DOCK1: variants seen among roughly 807,000 people sequenced by gnomAD.
DOCK1 encodes dedicator of cytokinesis 1, also known as dedicator of cytokinesis protein 1.
DOCK1 carries 138 observed loss-of-function variants against 262.7 expected under a neutral mutation model. The observed-to-expected ratio is 0.53, with a 90% CI of 0.46 to 0.61. The LOEUF is 0.61. DOCK1 is among the 20% of genes least tolerant of loss of function. The pLI is 0.00. For missense variants in DOCK1, 1,908 were observed against 2,370.7 expected, an observed-to-expected ratio of 0.80 and a Z score of 4.05; for synonymous variants, 866 against 867.4, an observed-to-expected ratio of 1.00 and a Z score of 0.03.
chr10:126,999,503 T>C, intron 9 of DOCK1, 68 bp downstream of exon 9: 1 of 1,363,244 alleles, frequency 7.3e-7, no homozygotes, highest in East Asian at 2.3e-5. Flanking sequence ...GCCATTTCTG[T>C]CTGCCTTCCT....
At position 127,175,507 on chromosome 10, in the gene DOCK1, G is replaced by T; in HGVS notation, c.2847+47743G>T. ...AGGGCAGTTTCCGAGGGCGCCTGGA[G>T]CCCGTTGAGATGTGTGGCTCTCCTC... On this transcript the variant is annotated intron_variant, in intron 27 of 51. Transcript: ENST00000623213. This position sits in a 1 kb window ranked among gnomAD's most constrained non-coding sequence, Gnocchi z 6.3. 6.2e-7 allele frequency: 1 copy of T among 1,608,942 alleles called. No individual in the cohort carries two copies.
chr10:127,175,251 A>T lies in DOCK1; in HGVS notation c.2847+47487A>T. ...CTCTCCTTTTTCCAACTCCTGAATG[A>T]CCCCCAAGAGCACTTTGATGGTTTC... On this transcript the variant is annotated intron_variant, in intron 27 of 51. Coordinates refer to ENST00000623213, the MANE Select transcript of DOCK1 (RefSeq NM_001290223.2). The surrounding 1 kb of genome is among the most constrained non-coding windows in gnomAD (Gnocchi z 6.3). The T allele has an allele frequency of 6.2e-7, 1 of 1,613,800 alleles. No individual in the cohort carries two copies. The highest frequency in any genetic ancestry group is 8.5e-7 in the Non-Finnish European group (1 of 1,179,958).
At chr10:126,959,087 G>T (rs2036983292) in intron 1 of DOCK1, among the ~76,000 whole-genome samples, 1 of 152,178 alleles carries the variant, frequency 6.6e-6, no homozygotes, top group African/African-American at 2.4e-5. Context: ...GTTGACAATT[G>T]GTTGAGTTTG....
chr10:127,274,470 A>C (rs1283477780), intron 29 of DOCK1, among the ~76,000 whole-genome samples: 1 of 152,170 alleles, frequency 6.6e-6, no homozygotes, highest in Non-Finnish European at 1.5e-5. Context: ...ATTTGTGTGC[A>C]AACTGGAGGG....
intron 5 of DOCK1, 132 bp from the exon 6 acceptor site, chr10:126,990,323 A>G: frequency 1.1e-6 from 1 of 927,638 alleles, no homozygotes; most frequent in East Asian, 2.8e-5. Context: ...AGCACCTTTT[A>G]ATTCAACATT....
intron 19 of DOCK1, among the ~76,000 whole-genome samples, chr10:127,041,212 C>G (rs1276404889): frequency 6.6e-6 from 1 of 152,176 alleles, no homozygotes; most frequent in East Asian, 1.9e-4. Flanking sequence ...ATTCTCCTGC[C>G]TCAGCCTCCC....
At chr10:127,253,874 C>CAA (rs575042004) in intron 28 of DOCK1, among the ~76,000 whole-genome samples, 3,010 of 101,232 alleles carry the variant, frequency 0.03, 143 homozygotes, top group East Asian at 0.15. Flanking sequence ...GACCCTGTCT[C>CAA]AAAAAAAAAA....
chr10:126,934,637 T>A (rs74219131), intron 1 of DOCK1, among the ~76,000 whole-genome samples: 2 of 152,194 alleles, frequency 1.3e-5, no homozygotes, highest in African/African-American at 2.4e-5. Context: ...TTTGTTTTTT[T>A]CCTGTTGAAA....
chr10:127,228,841 T>A (rs532467296), intron 27 of DOCK1, among the ~76,000 whole-genome samples: 1 of 152,280 alleles, frequency 6.6e-6, no homozygotes, highest in Admixed American at 6.5e-5. Flanking sequence ...CGACATGATG[T>A]TTTGATGTAT....
At chr10:127,444,362 TCCTC>T in intron 50 of DOCK1, 83 bp downstream of exon 50, 2 of 1,450,176 alleles carry the variant, frequency 1.4e-6, no homozygotes, top group South Asian at 2.9e-5. Context: ...TAGAAGCGCT[TCCTC>T]CCTCCCCTTG....
chr10:127,221,798 A>C (rs1178263702), intron 27 of DOCK1, among the ~76,000 whole-genome samples: 2 of 152,186 alleles, frequency 1.3e-5, no homozygotes, highest in Non-Finnish European at 2.9e-5. Flanking sequence ...AAGCTGGCAA[A>C]TTATGGCTTA....
intron 27 of DOCK1, among the ~76,000 whole-genome samples, chr10:127,217,387 T>A (rs2058259327): frequency 6.6e-6 from 1 of 152,226 alleles, no homozygotes; most frequent in African/African-American, 2.4e-5. Flanking sequence ...ATATGCTGAT[T>A]TACTGGAAAC....
intron 27 of DOCK1, chr10:127,192,485 G>A (rs563856955): frequency 2.6e-5 from 4 of 152,190 alleles, no homozygotes; most frequent in Non-Finnish European, 5.9e-5. Flanking sequence ...TATTCAGGTA[G>A]TGATTTGTCA....
intron 29 of DOCK1, among the ~76,000 whole-genome samples, chr10:127,288,146 T>C (rs1427405724): frequency 6.6e-6 from 1 of 152,208 alleles, no homozygotes; most frequent in African/African-American, 2.4e-5. Flanking sequence ...TGAATTTTCA[T>C]GTGTCTAAGT....
intron 29 of DOCK1, among the ~76,000 whole-genome samples, chr10:127,260,137 C>G (rs1205292891): frequency 6.6e-6 from 1 of 152,188 alleles, no homozygotes; most frequent in African/African-American, 2.4e-5. Flanking sequence ...TCACTAGAGC[C>G]CCTTCACAGG....
At chr10:127,038,453 G>A (rs1274790508) in intron 19 of DOCK1, among the ~76,000 whole-genome samples, 3 of 152,134 alleles carry the variant, frequency 2.0e-5, no homozygotes, top group African/African-American at 2.4e-5. Flanking sequence ...CATGAGAAGT[G>A]GGGTAACAGT....
rs979978118 is a variant in DOCK1 at position 126,950,709 on chromosome 10, C to T, written c.47-19993C>T. On this transcript the variant is annotated intron_variant, in intron 1 of 51. Transcript: ENST00000623213. ...GCAGCATGCCCTCCTTCCTCCTGCT[C>T]TTTGCCTCAGAGTCTTTGTGTGCAG... Among the ~76,000 whole-genome samples the T allele has an allele frequency of 1.8e-4, 27 of 152,256 alleles. No homozygotes were observed. In the East Asian group the frequency reaches 5.2e-3, roughly 29 times the overall value.
chr10:127,213,572 A>G (rs891301628), intron 27 of DOCK1, among the ~76,000 whole-genome samples: 2 of 152,256 alleles, frequency 1.3e-5, no homozygotes, highest in Admixed American at 1.3e-4. Context: ...GTTTCCCTAT[A>G]GCAGTGCTTT....
intron 29 of DOCK1, among the ~76,000 whole-genome samples, chr10:127,290,716 C>G (rs956685443): frequency 6.6e-6 from 1 of 152,210 alleles, no homozygotes; most frequent in African/African-American, 2.4e-5. Flanking sequence ...TTCCACTCAG[C>G]ATAATTCCCT....
Sources: allele counts gnomAD v4.1 joint callset (sites outside exome capture counted in the v4.1 genomes callset), GRCh38; gene constraint gnomAD v4.1.1; non-coding constraint Gnocchi (gnomAD v3.1); transcripts MANE v1.5; gene names NCBI Gene and HGNC (gene_info 2026-07-23, HGNC 2026-07-21).